Variants in FBXL18 observed in about 807,000 individuals in gnomAD.
The protein encoded by FBXL18 is F-box/LRR-repeat protein 18.
In FBXL18, 36 loss-of-function variants were observed where a neutral mutation model predicts 46.0. The ratio of observed to expected loss-of-function variants is 0.78; its 90% CI spans 0.60 to 1.03. The LOEUF is 1.03. Among genes scored for constraint, FBXL18 ranks in the 50% least tolerant of loss-of-function variants. The probability of loss-of-function intolerance (pLI) is 0.00; values close to 1 mark genes in which losing one functional copy is unlikely to be tolerated. For synonymous variants in FBXL18, 557 were observed against 465.3 expected (o/e 1.20, Z -2.54); for missense variants, 977 against 1,004.1 (o/e 0.97, Z 0.36).
chr7:5,488,318 G>A (rs1317595862), intron 4 of FBXL18, among the ~76,000 whole-genome samples: 2 of 152,214 alleles, frequency 1.3e-5, no homozygotes, highest in African/African-American at 2.4e-5. Flanking sequence ...CAACCGACCC[G>A]CCTGTAGCGC....
At chr7:5,486,790 G>C (rs1163603213) in intron 4 of FBXL18, among the ~76,000 whole-genome samples, 3 of 152,352 alleles carry the variant, frequency 2.0e-5, no homozygotes, top group Admixed American at 6.5e-5. Context: ...ACCGGCGACA[G>C]GTCAGCAGCC....
intron 4 of FBXL18, among the ~76,000 whole-genome samples, chr7:5,467,854 T>C (rs184759871): frequency 1.3e-5 from 2 of 152,238 alleles, no homozygotes; most frequent in East Asian, 1.9e-4. Context: ...GACAACCTAA[T>C]TGTCTGACAG....
intron 2 of FBXL18, among the ~76,000 whole-genome samples, chr7:5,503,882 G>A (rs892935097): frequency 4.0e-5 from 6 of 151,636 alleles, no homozygotes; most frequent in African/African-American, 4.8e-5. Flanking sequence ...CAGGAAAAAC[G>A]CTTGAACCCA....
chr7:5,498,060 T>C (rs1562697932), intron 3 of FBXL18, among the ~76,000 whole-genome samples: 2 of 151,974 alleles, frequency 1.3e-5, no homozygotes, highest in African/African-American at 4.8e-5. Context: ...TTGGGTAATT[T>C]TTTTTCTTTT....
At chr7:5,488,665 C>T (rs1284446396) in intron 4 of FBXL18, among the ~76,000 whole-genome samples, 2 of 152,332 alleles carry the variant, frequency 1.3e-5, no homozygotes, top group East Asian at 1.9e-4. Flanking sequence ...GGTGCACAGT[C>T]GCAGCCTCCC....
At position 5,481,493 on chromosome 7, in the gene FBXL18, C is replaced by G. The variant is rs1051711530; in HGVS notation, c.*282G>C. Reference sequence around the variant, plus strand: ...ATTGCGGCTCAGTATACAAACCCCCCAGCCAGGCCCCAAGGGTCAGCCTGG... The same window carrying G: ...ATTGCGGCTCAGTATACAAACCCCCGAGCCAGGCCCCAAGGGTCAGCCTGG... On this transcript the variant is annotated 3_prime_UTR_variant, in exon 5 of 5. Transcript: ENST00000382368. 1 of 373,906 alleles carries G rather than the reference C, an allele frequency of 2.7e-6. No individual in the cohort carries two copies. The highest frequency in any genetic ancestry group is 2.1e-5 in the African/African-American group (1 of 46,564). 23.2% of individuals were successfully genotyped at this position (373,906 alleles called of 1,614,324 possible).
In FBXL18 at chr7:5,496,010, C is replaced by A; in HGVS notation, c.1781+4478G>T. ...CCCACAGAACCCGCAGGCCTCTCCG[C>A]GCCTTCTCCATGGCCCTGCTCCTGA... is the stretch of plus-strand genomic sequence containing the variant. On this transcript the variant is annotated intron_variant, in intron 3 of 4. Transcript: ENST00000382368. The surrounding 1 kb of genome is among the most constrained non-coding windows in gnomAD (Gnocchi z 4.8). The A allele has an allele frequency of 2.4e-6, 1 of 412,214 alleles. No homozygotes were observed. Among genetic ancestry groups the A allele is most frequent in the Non-Finnish European group, 5.2e-6 (1 of 193,782 alleles). 25.5% of individuals were successfully genotyped at this position (412,214 alleles called of 1,614,324 possible).
chr7:5,469,036 CTG>C (rs1194796210), intron 4 of FBXL18, among the ~76,000 whole-genome samples: 1 of 151,904 alleles, frequency 6.6e-6, no homozygotes, highest in Non-Finnish European at 1.5e-5. Flanking sequence ...ACATAGGAGA[CTG>C]TGCGTGAGCA....
At chr7:5,498,746 T>A (rs892773307) in intron 3 of FBXL18, among the ~76,000 whole-genome samples, 1 of 152,062 alleles carries the variant, frequency 6.6e-6, no homozygotes, top group South Asian at 2.1e-4. Flanking sequence ...AATTTCTGTA[T>A]GTTTTTGGTA....
intron 1 of FBXL18, among the ~76,000 whole-genome samples, chr7:5,511,299 C>A (rs1784524753): frequency 6.6e-6 from 1 of 151,846 alleles, no homozygotes; most frequent in Non-Finnish European, 1.5e-5. Context: ...TAGCCAGGGG[C>A]CGGGCGCAGT....
Position 5,501,039 on chromosome 7 carries a change from G to T in FBXL18, c.1230C>A (p.Ala410=). Residue 410 remains alanine (A), a synonymous_variant, in exon 3 of 5, where the codon GCC becomes GCA. Transcript: ENST00000382368. ...AGAGGGAGCGCAGGTGACGCAGCCG[G>T]GCCAGGAGCTGGCAGAGGTGGCGGC... is the stretch of plus-strand genomic sequence containing the variant. ...GLGRHLCQLL[A]RLRHLRSLSL... is the part of the protein sequence containing the mutation. 1.2e-6 allele frequency: 2 copies of T among 1,606,644 alleles called. No individual in the cohort carries two copies. Among genetic ancestry groups the T allele is most frequent in the Non-Finnish European group, 1.7e-6 (2 of 1,178,198 alleles).
Position 5,481,690 on chromosome 7 carries a change from C to A in FBXL18, c.*85G>T, listed in dbSNP as rs569173848. On this transcript the variant is annotated 3_prime_UTR_variant, in exon 5 of 5. Coordinates refer to ENST00000382368, the MANE Select transcript of FBXL18 (RefSeq NM_024963.6). ...TGGCCGGGAGAGAGGCCCCCTTCCT[C>A]TTGTGACAAACCAAGGGTCCCTGGC... 26 of 1,480,348 alleles carry A rather than the reference C, an allele frequency of 1.8e-5. No individual in the cohort carries two copies. Among genetic ancestry groups the A allele is most frequent in the Non-Finnish European group, 2.3e-5 (25 of 1,079,964 alleles). 91.7% of individuals were successfully genotyped at this position (1,480,348 alleles called of 1,614,324 possible).
chr7:5,473,415 G>T (rs1167436824), downstream of FBXL18, among the ~76,000 whole-genome samples: 4 of 138,196 alleles, frequency 2.9e-5, no homozygotes, highest in Admixed American at 2.8e-4. Flanking sequence ...CCAGAGCCCA[G>T]GACAGGTAAA....
At chr7:5,486,393 T>A (rs983513864) in intron 4 of FBXL18, among the ~76,000 whole-genome samples, 1 of 151,820 alleles carries the variant, frequency 6.6e-6, no homozygotes, top group Non-Finnish European at 1.5e-5. Context: ...CACTCCAGCC[T>A]GGGAAACGAG....
Position 5,500,784 on chromosome 7 carries a change from G to T in FBXL18, c.1485C>A (p.Phe495Leu). 1 of 1,612,700 alleles carries T rather than the reference G, an allele frequency of 6.2e-7. No homozygotes were observed. Among genetic ancestry groups the T allele is most frequent in the East Asian group, 2.2e-5 (1 of 44,872 alleles). The stretch of plus-strand genomic sequence containing the variant: ...GCTCGTTGCGGGGCATGGCGGAGGA[G>T]AAGTTGGACCCAATCAGCTCGAGGT... ...LEHLELIGSN[F>L]SSAMPRNEPA... Residue 495 changes from phenylalanine (F) to leucine (L), a missense_variant, in exon 3 of 5, where the codon TTC becomes TTA. Physicochemically the swap from Phe to Leu is conservative, Grantham distance 22 (BLOSUM62 0). Transcript: ENST00000382368.
chr7:5,511,902 T>C (rs1050706009), intron 1 of FBXL18, among the ~76,000 whole-genome samples: 1 of 151,588 alleles, frequency 6.6e-6, no homozygotes, highest in South Asian at 2.1e-4. Context: ...AGCAACACAG[T>C]CACACCTCAT....
At chr7:5,484,197 G>A (rs1783716323) in intron 4 of FBXL18, among the ~76,000 whole-genome samples, 1 of 152,210 alleles carries the variant, frequency 6.6e-6, no homozygotes, top group Non-Finnish European at 1.5e-5. Flanking sequence ...GCTGGCCGTG[G>A]TGGCTCACGC....
Position 5,455,090 on chromosome 7 carries a change from GCCT to G in FBXL18, c.2001-7250_2001-7248del, listed in dbSNP as rs1434009325. Among the ~76,000 whole-genome samples, 1 of 152,118 alleles carries G rather than the reference GCCT, an allele frequency of 6.6e-6. No individual in the cohort carries two copies. The stretch of plus-strand genomic sequence containing the variant: ...ACTTTAGGAGTTTGCTGTGAGGTTA[GCCT>G]CATCAGCAAACTCGAGGCTGGCTTC... On this transcript the variant is annotated intron_variant and NMD_transcript_variant, in intron 4 of 6. Coordinates refer to the FBXL18 transcript ENST00000415009. This position sits in a 1 kb window ranked among gnomAD's most constrained non-coding sequence, Gnocchi z 4.6.
At chr7:5,486,785 C>G (rs1054722539) in intron 4 of FBXL18, among the ~76,000 whole-genome samples, 1 of 152,204 alleles carries the variant, frequency 6.6e-6, no homozygotes, top group African/African-American at 2.4e-5. Flanking sequence ...AGGTCACCGG[C>G]GACAGGTCAG....
Sources: gnomAD v4.1 joint callset for allele counts (sites outside exome capture counted in the v4.1 genomes callset) on GRCh38, gnomAD v4.1.1 for gene constraint, Gnocchi (gnomAD v3.1) non-coding constraint, MANE v1.5 for transcripts, NCBI Gene and HGNC (gene_info 2026-07-23, HGNC 2026-07-21) for gene names.